Variants in SLC24A2 observed in about 807,000 individuals in gnomAD.
SLC24A2 encodes solute carrier family 24 member 2.
A neutral mutation model predicts 62.0 loss-of-function variants in SLC24A2; 36 were observed. That is an observed-to-expected ratio of 0.58 (90% CI 0.44 to 0.77). The LOEUF (loss-of-function observed/expected upper bound fraction) is 0.77. Ranked by LOEUF, SLC24A2 falls within the 30% of genes least tolerant of loss-of-function variation. The pLI, the probability that SLC24A2 is intolerant of heterozygous loss-of-function variation, is 0.00. For synonymous variants in SLC24A2, 358 were observed against 294.0 expected (o/e 1.22, Z -2.23); for missense variants, 846 against 817.9 (o/e 1.03, Z -0.42).
At chr9:20,112,875 A>G in the SLC24A2 span, among the ~76,000 whole-genome samples, 1 of 151,886 alleles carries the variant, frequency 6.6e-6, no homozygotes, top group Non-Finnish European at 1.5e-5. Context: ...TAGTTGGTAG[A>G]GTACAAGAAA....
At chr9:20,272,377 T>TGTGGC in the SLC24A2 span, among the ~76,000 whole-genome samples, 1 of 152,328 alleles carries the variant, frequency 6.6e-6, no homozygotes, top group African/African-American at 2.4e-5. Flanking sequence ...CGTCCCTTAA[T>TGTGGC]GTGGCAGTTC....
chr9:19,798,089 T>C, the SLC24A2 span, among the ~76,000 whole-genome samples: 2 of 152,214 alleles, frequency 1.3e-5, no homozygotes, highest in African/African-American at 4.8e-5. Context: ...TTGGATCTTA[T>C]TTTTTAATCT....
chr9:19,569,451 C>G (rs761107847), intron 7 of SLC24A2, among the ~76,000 whole-genome samples: 1 of 152,222 alleles, frequency 6.6e-6, no homozygotes, highest in East Asian at 1.9e-4. Context: ...CAGCTTCCCA[C>G]TCCCAAGAGG....
At chr9:19,857,181 C>T in the SLC24A2 span, among the ~76,000 whole-genome samples, 1 of 152,168 alleles carries the variant, frequency 6.6e-6, no homozygotes, top group Non-Finnish European at 1.5e-5. Flanking sequence ...TGAAAATCTT[C>T]TAGAGTTTAC....
At chr9:20,299,873 A>G in the SLC24A2 span, among the ~76,000 whole-genome samples, 2 of 152,320 alleles carry the variant, frequency 1.3e-5, no homozygotes, top group South Asian at 4.1e-4. Flanking sequence ...TCACTACATC[A>G]TGCTGCCTTC....
At chr9:19,977,467 T>C in the SLC24A2 span, among the ~76,000 whole-genome samples, 1 of 152,092 alleles carries the variant, frequency 6.6e-6, no homozygotes, top group Admixed American at 6.6e-5. Context: ...GAGCATGAGC[T>C]AGAGAGAATG....
the SLC24A2 span, among the ~76,000 whole-genome samples, chr9:20,064,706 A>T: frequency 2.7e-4 from 41 of 152,206 alleles, no homozygotes; most frequent in African/African-American, 8.9e-4. Flanking sequence ...GATGGGGGCT[A>T]CCTTTCTTGG....
chr9:19,655,735 C>T (rs555080374), intron 2 of SLC24A2, among the ~76,000 whole-genome samples: 3 of 152,176 alleles, frequency 2.0e-5, no homozygotes, highest in Admixed American at 6.5e-5. Context: ...CACAAGAAGG[C>T]TGGTGGATAA....
intron 8 of SLC24A2, among the ~76,000 whole-genome samples, chr9:19,546,075 C>T (rs560659563): frequency 3.7e-4 from 57 of 152,326 alleles, no homozygotes; most frequent in Admixed American, 3.3e-4. Flanking sequence ...TCCTCTGGAA[C>T]CTTTGTCTCA....
the SLC24A2 span, among the ~76,000 whole-genome samples, chr9:19,976,740 G>GT: frequency 7.9e-5 from 12 of 152,240 alleles, no homozygotes; most frequent in Middle Eastern, 0.017. Flanking sequence ...ACAGATTTTG[G>GT]TATCTGCAGG....
chr9:19,801,331 G>T, the SLC24A2 span, among the ~76,000 whole-genome samples: 1 of 152,218 alleles, frequency 6.6e-6, no homozygotes, highest in Non-Finnish European at 1.5e-5. Flanking sequence ...AGCCTGACTG[G>T]GAGTGGCAGT....
the SLC24A2 span, among the ~76,000 whole-genome samples, chr9:20,197,415 TTCTC>T: frequency 1.9e-3 from 284 of 148,534 alleles, 1 homozygote; most frequent in African/African-American, 6.9e-3. Context: ...ATGATGTATT[TTCTC>T]TCTCTCTCTT....
chr9:19,961,144 A>AGAGACAGAAGAAAGGG, the SLC24A2 span, among the ~76,000 whole-genome samples: 9 of 116,242 alleles, frequency 7.7e-5, no homozygotes, highest in African/African-American at 4.6e-4. Context: ...GAAAGGGGAG[A>AGAGACAGAAGAAAGGG]GAGAGAGAGA....
chr9:19,720,001 T>A (rs1456384321), intron 2 of SLC24A2, among the ~76,000 whole-genome samples: 1 of 152,198 alleles, frequency 6.6e-6, no homozygotes, highest in African/African-American at 2.4e-5. Flanking sequence ...TATGATATGA[T>A]TCACATAATG....
intron 8 of SLC24A2, among the ~76,000 whole-genome samples, chr9:19,532,238 G>A (rs985579369): frequency 6.6e-6 from 1 of 152,020 alleles, no homozygotes; most frequent in Non-Finnish European, 1.5e-5. Context: ...GGGATTACAG[G>A]GATGTGCCAC....
At chr9:19,861,497 A>G in the SLC24A2 span, among the ~76,000 whole-genome samples, 1 of 152,300 alleles carries the variant, frequency 6.6e-6, no homozygotes, top group East Asian at 1.9e-4. Context: ...TGTAAAGACT[A>G]CAATAAATAC....
the SLC24A2 span, among the ~76,000 whole-genome samples, chr9:19,882,504 C>T: frequency 6.6e-6 from 1 of 151,912 alleles, no homozygotes; most frequent in Non-Finnish European, 1.5e-5. Flanking sequence ...CCCTCCACGC[C>T]CCCCACCCAC....
the SLC24A2 span, among the ~76,000 whole-genome samples, chr9:19,963,140 G>A: frequency 9.1e-4 from 136 of 149,252 alleles, 1 homozygote; most frequent in African/African-American, 3.1e-3. Context: ...TTTAATAAAT[G>A]GTGCTGGGAA....
rs1331609104 is a variant in SLC24A2 at position 19,514,524 on chromosome 9, C to G, written c.*1629G>C. On this transcript the variant is annotated 3_prime_UTR_variant, in exon 11 of 11. Transcript: ENST00000341998. ...CAGTTTGCCTATTTTTTCCCCCTTG[C>G]TGGCTTTATTTTCGACTGACATAGA... The G allele has an allele frequency of 1.3e-5, 2 of 152,150 alleles. No individual in the cohort carries two copies. Among genetic ancestry groups the G allele is most frequent in the Non-Finnish European group, 2.9e-5 (2 of 68,028 alleles). The allele number at this position is 152,150 out of a possible 1,614,324, so 9.4% of individuals were successfully genotyped here.
Sources: allele counts gnomAD v4.1 joint callset (sites outside exome capture counted in the v4.1 genomes callset), GRCh38; gene constraint gnomAD v4.1.1; transcripts MANE v1.5; gene names NCBI Gene and HGNC (gene_info 2026-07-23, HGNC 2026-07-21).